OPA1: variants seen among roughly 807,000 people sequenced by gnomAD.
OPA1 encodes OPA1 mitochondrial dynamin like GTPase.
In OPA1, 59 loss-of-function variants were observed where a neutral mutation model predicts 152.9. The observed-to-expected ratio is 0.39, with a 90% CI of 0.31 to 0.48. The LOEUF (loss-of-function observed/expected upper bound fraction) is 0.48. Ranked by LOEUF, OPA1 falls within the 20% of genes least tolerant of loss-of-function variation. The pLI, the probability that OPA1 is intolerant of heterozygous loss-of-function variation, is 0.96. For missense variants in OPA1, 1,008 were observed against 1,216.8 expected (o/e 0.83, Z 2.55); for synonymous variants, 400 against 389.9 (o/e 1.03, Z -0.31).
chr3:193,608,190 G>A (rs1298457347), intron 1 of OPA1, among the ~76,000 whole-genome samples: 2 of 152,092 alleles, frequency 1.3e-5, no homozygotes. Flanking sequence ...GGTTTTTTGT[G>A]TCTCTATCTC....
At chr3:193,601,554 T>C (rs1386509182) in intron 1 of OPA1, among the ~76,000 whole-genome samples, 1 of 152,192 alleles carries the variant, frequency 6.6e-6, no homozygotes, top group Non-Finnish European at 1.5e-5. Flanking sequence ...TAACATCCAG[T>C]GGGAAATTTA....
At chr3:193,645,863 T>A in intron 18 of OPA1, 63 bp downstream of exon 18, 1 of 1,289,332 alleles carries the variant, frequency 7.8e-7, no homozygotes, top group Non-Finnish European at 1.1e-6. Flanking sequence ...ATTGAACTGT[T>A]TTCACTTAAA....
intron 6 of OPA1, among the ~76,000 whole-genome samples, chr3:193,619,846 G>C (rs1363860446): frequency 6.6e-6 from 1 of 151,984 alleles, no homozygotes; most frequent in Admixed American, 6.6e-5. Flanking sequence ...CTATGAATAG[G>C]TTTTCATCTC....
In OPA1 at chr3:193,697,151, T is replaced by C. The variant is rs1385388823; in HGVS notation, c.*2551T>C. ...AGAGTCAGAGTATAGGTTTAAAAGA[T>C]AAAATCTTTAGTTAATAATTTTGTA... is the stretch of plus-strand genomic sequence containing the variant. On this transcript the variant is annotated 3_prime_UTR_variant, in exon 31 of 31. Coordinates refer to ENST00000361510, the MANE Select transcript of OPA1 (RefSeq NM_130837.3). 6.6e-6 allele frequency: 1 copy of C among 152,236 alleles called. No individual in the cohort carries two copies. The highest frequency in any genetic ancestry group is 2.4e-5 in the African/African-American group (1 of 41,462). 9.4% of individuals were successfully genotyped at this position (152,236 alleles called of 1,614,324 possible).
rs774364044 is a variant in OPA1, at chr3:193,618,890, T to A, written c.632T>A (p.Phe211Tyr). Residue 211 changes from phenylalanine (F) to tyrosine (Y), a missense_variant, in exon 6 of 31, where the codon TTT becomes TAT. Around this residue, in one of 7 missense-constraint regions of OPA1, gnomAD observed 408 missense variants for 395.1 expected, o/e 1.03. Coordinates refer to ENST00000361510, the MANE Select transcript of OPA1 (RefSeq NM_130837.3). ...TAAGGTTCTCCGGAAGAAACGGCGT[T>A]TAGAGCAACAGATCGTGGATCTGAA... The part of the protein sequence containing the change: ...LLLGSPEETA[F>Y]RATDRGSESD... 6.2e-7 allele frequency: 1 copy of A among 1,613,854 alleles called. No homozygotes were observed. Among genetic ancestry groups the A allele is most frequent in the South Asian group, 1.1e-5 (1 of 91,076 alleles).
At chr3:193,657,366 A>C in intron 23 of OPA1, 134 bp downstream of exon 23, 1 of 853,788 alleles carries the variant, frequency 1.2e-6, no homozygotes, top group Non-Finnish European at 1.9e-6. Context: ...AAACAGATTT[A>C]TGATCTGTAA....
intron 1 of OPA1, among the ~76,000 whole-genome samples, chr3:193,600,848 G>A (rs184124409): frequency 1.2e-3 from 180 of 152,262 alleles, no homozygotes; most frequent in African/African-American, 3.4e-3. Flanking sequence ...TAAACATATC[G>A]TGGGTTCCTT....
intron 29 of OPA1, among the ~76,000 whole-genome samples, chr3:193,688,444 CTTTTCTTTTTTTTTTTTTTTTTTTTT>C (rs757753108): frequency 0.15 from 5,688 of 38,394 alleles, 1,116 homozygotes; most frequent in Non-Finnish European, 0.21. Context: ...TGAAATGGGT[CTTTTCTTTTTTTTTTTTTTTTTTTTT>C]TTTTTTTTTT....
At chr3:193,674,848 G>T (rs190198715) in intron 29 of OPA1, among the ~76,000 whole-genome samples, 5,210 of 152,190 alleles carry the variant, frequency 0.034, 329 homozygotes, top group African/African-American at 0.12. Flanking sequence ...TCGGAATTTG[G>T]AACTGAAAAG....
chr3:193,594,877 A>G (rs925394618), intron 1 of OPA1, among the ~76,000 whole-genome samples: 2 of 152,346 alleles, frequency 1.3e-5, no homozygotes, highest in South Asian at 2.1e-4. Context: ...TCTACTTCTC[A>G]ATATTTAGTG....
chr3:193,676,315 T>A (rs1718977024), intron 29 of OPA1, among the ~76,000 whole-genome samples: 3 of 152,232 alleles, frequency 2.0e-5, no homozygotes, highest in Non-Finnish European at 4.4e-5. Flanking sequence ...TTAAGGCATC[T>A]TTTCATGGTA....
intron 1 of OPA1, among the ~76,000 whole-genome samples, chr3:193,608,883 G>A (rs1727712015): frequency 6.6e-6 from 1 of 152,050 alleles, no homozygotes; most frequent in Admixed American, 6.5e-5. Flanking sequence ...GAATCTGGGT[G>A]CTCCTGTATT....
chr3:193,630,170 C>T (rs1731847892), intron 7 of OPA1, among the ~76,000 whole-genome samples: 1 of 152,140 alleles, frequency 6.6e-6, no homozygotes, highest in African/African-American at 2.4e-5. Context: ...TTGCTTGTCT[C>T]CTCACAGTTT....
chr3:193,610,194 TG>T (rs1407487804), intron 1 of OPA1, among the ~76,000 whole-genome samples: 1 of 152,190 alleles, frequency 6.6e-6, no homozygotes, highest in Non-Finnish European at 1.5e-5. Context: ...TTGATGATGG[TG>T]ATGTACAGAT....
At chr3:193,639,020 C>T (rs1029981715) in intron 11 of OPA1, among the ~76,000 whole-genome samples, 3 of 151,984 alleles carry the variant, frequency 2.0e-5, no homozygotes, top group African/African-American at 7.3e-5. Context: ...GGAAATGATG[C>T]AAGAGAGAGG....
intron 1 of OPA1, among the ~76,000 whole-genome samples, chr3:193,604,117 C>T (rs926846125): frequency 6.6e-6 from 1 of 152,184 alleles, no homozygotes; most frequent in African/African-American, 2.4e-5. Flanking sequence ...CTTCTACCAG[C>T]TTGGCTGCTG....
At position 193,657,128 on chromosome 3, in the gene OPA1, C is replaced by T. The variant is rs779383230; in HGVS notation, c.2227C>T (p.Pro743Ser). 115 of 1,613,484 alleles carry T rather than the reference C, an allele frequency of 7.1e-5. No homozygotes were observed. The highest frequency in any genetic ancestry group is 2.7e-4 in the Admixed American group (16 of 59,948). The change falls in exon 23 of 31, where the codon CCG (proline) becomes TCG (serine). Residue 743 changes from proline to serine, a missense_variant. Around this residue, in one of 7 missense-constraint regions of OPA1, gnomAD observed 229 missense variants for 269.0 expected, o/e 0.85. Transcript: ENST00000361510. Reference sequence around the variant, plus strand: ...AGAATTTTCCCGCTTTATGACAGAACCGAAAGGGAAAGAGCATGATGACAT... The same window carrying T: ...AGAATTTTCCCGCTTTATGACAGAATCGAAAGGGAAAGAGCATGATGACAT... ...QEEFSRFMTE[P>S]KGKEHDDIFD...
At chr3:193,602,919 C>A (rs1351086459) in intron 1 of OPA1, among the ~76,000 whole-genome samples, 1 of 152,174 alleles carries the variant, frequency 6.6e-6, no homozygotes, top group African/African-American at 2.4e-5. Context: ...TTTATCCAAC[C>A]AGAAAACATG....
intron 1 of OPA1, among the ~76,000 whole-genome samples, chr3:193,599,290 A>G (rs1271241775): frequency 2.0e-5 from 3 of 152,154 alleles, no homozygotes; most frequent in East Asian, 1.9e-4. Context: ...TGACTCTTCA[A>G]TTGGATATTC....
Sources: allele counts gnomAD v4.1 joint callset (sites outside exome capture counted in the v4.1 genomes callset), GRCh38; gene constraint gnomAD v4.1.1; regional missense constraint gnomAD v4.1.1; transcripts MANE v1.5; gene names NCBI Gene and HGNC (gene_info 2026-07-23, HGNC 2026-07-21).